Variants in OXER1 observed in about 807,000 individuals in gnomAD.
OXER1 encodes the protein 5-oxo-ETE G-protein coupled receptor.
For missense variants in OXER1, 587 were observed against 551.7 expected, an observed-to-expected ratio of 1.06 and a Z score of -0.64; for synonymous variants, 258 against 245.8, an observed-to-expected ratio of 1.05 and a Z score of -0.47.
chr2:42,763,962 G>A lies in OXER1; in HGVS notation c.218C>T (p.Thr73Ile). The change falls in exon 1 of 1, where the codon ACC becomes ATC. Residue 73 changes from threonine (T) to isoleucine (I), a missense_variant. Thr to Ile is a moderately conservative substitution (Grantham distance 89). Coordinates refer to ENST00000378661, the Ensembl canonical transcript of OXER1. The surrounding 1 kb of genome is among the most constrained non-coding windows in gnomAD (Gnocchi z 4.4). ...CCCTCCAGAGGACCCCCCCACAGTGGTAAAGGCAGAGGGAGCAGAGGAGGG... is the reference window on the plus strand; with the variant it reads ...CCCTCCAGAGGACCCCCCCACAGTGATAAAGGCAGAGGGAGCAGAGGAGGG... 2 of 1,613,834 alleles carry A rather than the reference G, an allele frequency of 1.2e-6. No individual in the cohort carries two copies. Among genetic ancestry groups the A allele is most frequent in the Non-Finnish European group, 1.7e-6 (2 of 1,179,964 alleles).
At position 42,763,266 on chromosome 2, in the gene OXER1, G is replaced by T. The variant is rs780336458; in HGVS notation, c.914C>A (p.Thr305Asn). ...GATGATGCTGGGCAAGAAGCAGATG[G>T]TGTAGACGGCCACCACCATGGCCAG... Residue 305 changes from threonine (T) to asparagine (N), a missense_variant, in exon 1 of 1, where the codon ACC becomes AAC. By Grantham distance (65) the Thr-to-Asn change is moderately conservative. Transcript: ENST00000378661. The surrounding 1 kb of genome is among the most constrained non-coding windows in gnomAD (Gnocchi z 4.4). 7 of 1,613,012 alleles carry T rather than the reference G, an allele frequency of 4.3e-6. No homozygotes were observed. Among genetic ancestry groups the T allele is most frequent in the Non-Finnish European group, 5.1e-6 (6 of 1,179,708 alleles).
In OXER1 at chr2:42,763,412, C is replaced by T. The variant is rs375090648; in HGVS notation, c.768G>A (p.Leu256=). ...GTGGCAGGAAGAACTCCAGCAGGTA[C>T]AGTGCCTGGTGCCAGCGGAGCGAGG... Residue 256 remains leucine, a synonymous_variant, in exon 1 of 1, where the codon CTG becomes CTA. Coordinates refer to ENST00000378661, the Ensembl canonical transcript of OXER1. This position sits in a 1 kb window ranked among gnomAD's most constrained non-coding sequence, Gnocchi z 4.4. 31 of 1,592,432 alleles carry T rather than the reference C, an allele frequency of 1.9e-5. No homozygotes were observed. The African/African-American group carries it at 2.7e-4, about 14-fold the overall frequency.
chr2:42,762,996 C>CT, the OXER1 span: 1 of 1,613,986 alleles, frequency 6.2e-7, no homozygotes, highest in African/African-American at 1.3e-5. Context: ...AGAGGCCTCC[C>CT]GGTAGCGCCA....
At chr2:42,762,898 C>T (rs1445431682) in exon 1 of OXER1, 1 of 1,605,334 alleles carries the variant, frequency 6.2e-7, no homozygotes, top group African/African-American at 1.3e-5. Context: ...TGCAGCCCTG[C>T]AGCTGGCCCT....
Position 42,763,473 on chromosome 2 carries a change from G to C in OXER1, c.707C>G (p.Ser236Cys). 1.3e-6 allele frequency: 2 copies of C among 1,558,626 alleles called. No homozygotes were observed. The highest frequency in any genetic ancestry group is 1.7e-6 in the Non-Finnish European group (2 of 1,151,460). The stretch of plus-strand genomic sequence containing the variant: ...CGTGCCCACCCTGTAGCTGAGGCAG[G>C]AGGGGCCGGAGAAGGTGCTCAGGAG... The change falls in exon 1 of 1, where the codon TCC becomes TGC. Residue 236 changes from serine (S) to cysteine (C), a missense_variant. Coordinates refer to ENST00000378661, the Ensembl canonical transcript of OXER1. The surrounding 1 kb of genome is among the most constrained non-coding windows in gnomAD (Gnocchi z 4.4).
chr2:42,763,169 G>A lies in OXER1; in HGVS notation c.1011C>T (p.Phe337=). The A allele has an allele frequency of 6.2e-7, 1 of 1,613,794 alleles. No homozygotes were observed. The highest frequency in any genetic ancestry group is 8.5e-7 in the Non-Finnish European group (1 of 1,179,738). Residue 337 remains phenylalanine (F), a synonymous_variant, in exon 1 of 1, where the codon TTC becomes TTT. Transcript: ENST00000378661. The surrounding 1 kb of genome is among the most constrained non-coding windows in gnomAD (Gnocchi z 4.4). ...GGTAGGTGAAGGCCAGGGAGCCATG[G>A]AAGAGCTGTGTGCAGAGGTCCAGGG...
exon 1 of OXER1, chr2:42,762,625 A>T: frequency 2.2e-6 from 1 of 456,586 alleles, no homozygotes; most frequent in Non-Finnish European, 3.9e-6. Flanking sequence ...GCAGCTGCGC[A>T]GGCCCCTGTC....
rs188785825 is a variant in OXER1, at chr2:42,764,038, G to A, written c.142C>T (p.Pro48Ser). 7 of 1,613,956 alleles carry A rather than the reference G, an allele frequency of 4.3e-6. No homozygotes were observed. In the Admixed American group the frequency reaches 6.7e-5, roughly 15 times the overall value. Reference sequence around the variant, plus strand: ...ACAGAGGAGGAGAGAGAGGGAGATGGAGAGCTCAGGTTATGAAGTTCCATG... The same window carrying A: ...ACAGAGGAGGAGAGAGAGGGAGATGAAGAGCTCAGGTTATGAAGTTCCATG... Residue 48 changes from proline (P) to serine (S), a missense_variant, in exon 1 of 1, where the codon CCA (proline) becomes TCA (serine). Transcript: ENST00000378661.
exon 1 of OXER1, chr2:42,762,707 A>C: frequency 1.7e-6 from 1 of 588,250 alleles, no homozygotes; most frequent in Non-Finnish European, 2.9e-6. Context: ...CATTCTGGGA[A>C]TGCCATCCTG....
rs143839895 is a variant in OXER1 at position 42,763,297 on chromosome 2, G to T, written c.883C>A (p.Arg295Ser). The T allele has an allele frequency of 7.4e-6, 12 of 1,612,932 alleles. No individual in the cohort carries two copies. Among genetic ancestry groups the T allele is most frequent in the Non-Finnish European group, 1.0e-5 (12 of 1,179,756 alleles). ...ACGGCCACCACCATGGCCAGCACAC[G>T]CATGGCCCTCTGCGGGCCTGCCTGC... is the stretch of plus-strand genomic sequence containing the variant. Residue 295 changes from arginine to serine, a missense_variant, in exon 1 of 1, where the codon CGT becomes AGT. Arg to Ser is a moderately radical substitution (Grantham distance 110). Coordinates refer to ENST00000378661, the Ensembl canonical transcript of OXER1. The surrounding 1 kb of genome is among the most constrained non-coding windows in gnomAD (Gnocchi z 4.4).
the OXER1 span, chr2:42,763,212 C>T: frequency 3.1e-6 from 5 of 1,609,822 alleles, no homozygotes; most frequent in Non-Finnish European, 4.2e-6. The surrounding 1 kb of genome is among the most constrained non-coding windows in gnomAD (Gnocchi z 4.4). Context: ...GGCGGACAGC[C>T]AGAAAGCCAC....
Position 42,763,847 on chromosome 2 carries a change from A to G in OXER1, c.333T>C (p.Ser111=), listed in dbSNP as rs765975230. 5.0e-6 allele frequency: 8 copies of G among 1,613,808 alleles called. No homozygotes were observed. The South Asian group carries it at 8.8e-5, about 18-fold the overall frequency. Reference sequence around the variant, plus strand: ...GGATGCAGAAGATGAAGAGGGCCAAACTGTTCCCCACCAGGCCCAGGACAA... The same window carrying G: ...GGATGCAGAAGATGAAGAGGGCCAAGCTGTTCCCCACCAGGCCCAGGACAA... Residue 111 remains serine (S), a synonymous_variant, in exon 1 of 1, where the codon AGT becomes AGC. Transcript: ENST00000378661. This position sits in a 1 kb window ranked among gnomAD's most constrained non-coding sequence, Gnocchi z 4.4.
the OXER1 span, chr2:42,763,936 GC>G: frequency 6.2e-7 from 1 of 1,613,886 alleles, no homozygotes. The surrounding 1 kb of genome is among the most constrained non-coding windows in gnomAD (Gnocchi z 4.4). Flanking sequence ...GGGTGGCAGG[GC>G]CCTCCAGAGG....
At position 42,763,952 on chromosome 2, in the gene OXER1, C is replaced by A. The variant is rs1297282148; in HGVS notation, c.228G>T (p.Gly76=). 1 of 1,613,642 alleles carries A rather than the reference C, an allele frequency of 6.2e-7. No individual in the cohort carries two copies. The highest frequency in any genetic ancestry group is 8.5e-7 in the Non-Finnish European group (1 of 1,179,958). ...GGTGGCAGGGCCCTCCAGAGGACCC[C>A]CCCACAGTGGTAAAGGCAGAGGGAG... is the stretch of plus-strand genomic sequence containing the variant. Residue 76 remains glycine (G), a synonymous_variant, in exon 1 of 1, where the codon GGG becomes GGT. Transcript: ENST00000378661. This position sits in a 1 kb window ranked among gnomAD's most constrained non-coding sequence, Gnocchi z 4.4.
Position 42,763,374 on chromosome 2 carries a change from A to C in OXER1, c.806T>G (p.Leu269Arg). 1 of 1,609,850 alleles carries C rather than the reference A, an allele frequency of 6.2e-7. No individual in the cohort carries two copies. The highest frequency in any genetic ancestry group is 8.5e-7 in the Non-Finnish European group (1 of 1,178,568). The stretch of plus-strand genomic sequence containing the variant: ...GAGCCCAATGCTCACAATAGCAAAG[A>C]GGATGAGCGCCAGTGGCAGGAAGAA... The change falls in exon 1 of 1, where the codon CTC becomes CGC. Residue 269 changes from leucine (L) to arginine (R), a missense_variant. Coordinates refer to ENST00000378661, the Ensembl canonical transcript of OXER1. This position sits in a 1 kb window ranked among gnomAD's most constrained non-coding sequence, Gnocchi z 4.4.
chr2:42,763,220 C>T lies in OXER1; in HGVS notation c.960G>A (p.Val320=), dbSNP rs748654235. Residue 320 remains valine, a synonymous_variant, in exon 1 of 1, where the codon GTG becomes GTA. Coordinates refer to ENST00000378661, the Ensembl canonical transcript of OXER1. The surrounding 1 kb of genome is among the most constrained non-coding windows in gnomAD (Gnocchi z 4.4). ...ATCGGCAGGCGGACAGCCAGAAAGC[C>T]ACCATGGAAGCCATGCCAAAGATGA... 2 of 1,610,474 alleles carry T rather than the reference C, an allele frequency of 1.2e-6. No individual in the cohort carries two copies. Among genetic ancestry groups the T allele is most frequent in the Non-Finnish European group, 1.7e-6 (2 of 1,178,594 alleles).
exon 1 of OXER1, chr2:42,762,886 G>GCTGCAGCC: frequency 6.3e-7 from 1 of 1,596,466 alleles, no homozygotes; most frequent in Non-Finnish European, 8.5e-7. Flanking sequence ...CCCCCACAGC[G>GCTGCAGCC]CTGCAGCCCT....
chr2:42,763,370 A>C lies in OXER1; in HGVS notation c.810T>G (p.Phe270Leu), dbSNP rs927918408. Residue 270 changes from phenylalanine (F) to leucine (L), a missense_variant, in exon 1 of 1, where the codon TTT (phenylalanine) becomes TTG (leucine). By Grantham distance (22) the Phe-to-Leu change is conservative. Coordinates refer to ENST00000378661, the Ensembl canonical transcript of OXER1. The surrounding 1 kb of genome is among the most constrained non-coding windows in gnomAD (Gnocchi z 4.4). ...TGGTGAGCCCAATGCTCACAATAGC[A>C]AAGAGGATGAGCGCCAGTGGCAGGA... 7 of 1,610,110 alleles carry C rather than the reference A, an allele frequency of 4.3e-6. No homozygotes were observed. The highest frequency in any genetic ancestry group is 2.2e-5 in the South Asian group (2 of 90,466).
In OXER1 at chr2:42,763,728, T is replaced by C. The variant is rs1670552046; in HGVS notation, c.452A>G (p.Tyr151Cys). The C allele has an allele frequency of 6.2e-7, 1 of 1,613,990 alleles. No individual in the cohort carries two copies. The highest frequency in any genetic ancestry group is 8.5e-7 in the Non-Finnish European group (1 of 1,179,986). ...GCGCCAGGTCTCATGGAGGAGGTAG[T>C]AGTCCACGCGGAGGGGCAGGTTGCT... Residue 151 changes from tyrosine (Y) to cysteine (C), a missense_variant, in exon 1 of 1, where the codon TAC (tyrosine) becomes TGC (cysteine). Tyr to Cys is a radical substitution (Grantham distance 194). Transcript: ENST00000378661. This position sits in a 1 kb window ranked among gnomAD's most constrained non-coding sequence, Gnocchi z 4.4.
Sources: gnomAD v4.1 joint callset for allele counts on GRCh38, gnomAD v4.1.1 for gene constraint, Gnocchi (gnomAD v3.1) non-coding constraint, MANE v1.5 for transcripts, NCBI Gene and HGNC (gene_info 2026-07-23, HGNC 2026-07-21) for gene names.